Variants in ST6GALNAC3 observed in about 807,000 individuals in gnomAD.
ST6GALNAC3 encodes the protein alpha-N-acetylgalactosaminide alpha-2,6-sialyltransferase 3.
ST6GALNAC3 carries 25 observed loss-of-function variants against 32.7 expected under a neutral mutation model. That is an observed-to-expected ratio of 0.76 (90% CI 0.56 to 1.07). The LOEUF (loss-of-function observed/expected upper bound fraction) is 1.07, where lower values mean the gene tolerates loss of function less well. ST6GALNAC3 is among the 50% of genes least tolerant of loss of function. The probability of loss-of-function intolerance (pLI) is 0.00; values close to 1 mark genes in which losing one functional copy is unlikely to be tolerated. For synonymous variants in ST6GALNAC3, 129 were observed against 133.1 expected (o/e 0.97, Z 0.21); for missense variants, 355 against 382.4 (o/e 0.93, Z 0.60).
At chr1:76,441,851 T>C (rs567448405) in intron 3 of ST6GALNAC3, among the ~76,000 whole-genome samples, 1 of 152,300 alleles carries the variant, frequency 6.6e-6, no homozygotes, top group East Asian at 1.9e-4. Context: ...TCTGGTTCTT[T>C]CTCTGGCCCA....
At chr1:76,254,238 A>G (rs1657790931) in intron 1 of ST6GALNAC3, among the ~76,000 whole-genome samples, 1 of 152,132 alleles carries the variant, frequency 6.6e-6, no homozygotes, top group Non-Finnish European at 1.5e-5. Flanking sequence ...CAAGTGGATC[A>G]GGGAAGAATA....
chr1:76,304,630 G>A (rs554724289), intron 1 of ST6GALNAC3, among the ~76,000 whole-genome samples: 1 of 151,996 alleles, frequency 6.6e-6, no homozygotes, highest in Non-Finnish European at 1.5e-5. Flanking sequence ...TGGGAGAGGA[G>A]ACTTCCCTTC....
At chr1:76,409,277 G>A (rs1475028911) in intron 2 of ST6GALNAC3, among the ~76,000 whole-genome samples, 1 of 152,080 alleles carries the variant, frequency 6.6e-6, no homozygotes. Flanking sequence ...ACTGTGTTAG[G>A]GGTGATGAAC....
chr1:76,494,647 G>GCT (rs1491154885), intron 3 of ST6GALNAC3, among the ~76,000 whole-genome samples: 1 of 54,012 alleles, frequency 1.9e-5, no homozygotes, highest in African/African-American at 1.1e-4. Flanking sequence ...TCATGTGTAT[G>GCT]CGCACACACA....
intron 1 of ST6GALNAC3, among the ~76,000 whole-genome samples, chr1:76,171,803 T>A (rs1271866305): frequency 8.8e-6 from 1 of 113,078 alleles, no homozygotes; most frequent in Non-Finnish European, 1.8e-5. Context: ...ATTAATAGCC[T>A]ACCAAAACAA....
chr1:76,343,954 C>A (rs1432961405), intron 2 of ST6GALNAC3, among the ~76,000 whole-genome samples: 1 of 152,176 alleles, frequency 6.6e-6, no homozygotes, highest in African/African-American at 2.4e-5. Flanking sequence ...GTGGTATCCA[C>A]TAGATGTCAG....
chr1:76,445,047 T>A (rs977088202), intron 3 of ST6GALNAC3, among the ~76,000 whole-genome samples: 4 of 152,204 alleles, frequency 2.6e-5, no homozygotes, highest in African/African-American at 9.6e-5. Context: ...ATGTTTGTGG[T>A]TAGTATGTGC....
chr1:76,555,788 G>T (rs1330856308), intron 3 of ST6GALNAC3, among the ~76,000 whole-genome samples: 1 of 151,970 alleles, frequency 6.6e-6, no homozygotes, highest in Non-Finnish European at 1.5e-5. Flanking sequence ...AATTCCCAGG[G>T]TTCTATATTT....
At chr1:76,397,654 G>A (rs976663510) in intron 2 of ST6GALNAC3, among the ~76,000 whole-genome samples, 66 of 152,016 alleles carry the variant, frequency 4.3e-4, no homozygotes, top group African/African-American at 1.4e-3. Flanking sequence ...GATTACAGGC[G>A]TGAGCCACCA....
chr1:76,511,832 A>G (rs962801888), intron 3 of ST6GALNAC3, among the ~76,000 whole-genome samples: 1 of 152,226 alleles, frequency 6.6e-6, no homozygotes, highest in African/African-American at 2.4e-5. Context: ...CAGTTTAGGG[A>G]TATGAATAAA....
At chr1:76,372,095 G>T (rs1237240594) in intron 2 of ST6GALNAC3, among the ~76,000 whole-genome samples, 1 of 152,082 alleles carries the variant, frequency 6.6e-6, no homozygotes, top group Admixed American at 6.6e-5. Context: ...ACACAAAAAA[G>T]TGTTTTTTAT....
rs533182209 is a variant in ST6GALNAC3, at chr1:76,394,466, T to C, written c.214-17542T>C. Reference sequence around the variant, plus strand: ...TTCATTGTTTAATCCATATTGAAAATTTGGCTTATGCAAAATTATATGCCT... The same window carrying C: ...TTCATTGTTTAATCCATATTGAAAACTTGGCTTATGCAAAATTATATGCCT... On this transcript the variant is annotated intron_variant, in intron 2 of 4. Coordinates refer to ENST00000328299, the MANE Select transcript of ST6GALNAC3 (RefSeq NM_152996.4). 1.5e-3 allele frequency among the ~76,000 whole-genome samples: 235 copies of C among 152,276 alleles called. 1 individual carries two copies. In the Middle Eastern group the frequency reaches 0.027, roughly 18 times the overall value.
At chr1:76,575,467 C>A (rs1481597510) in intron 3 of ST6GALNAC3, among the ~76,000 whole-genome samples, 1 of 152,046 alleles carries the variant, frequency 6.6e-6, no homozygotes, top group Admixed American at 6.6e-5. Context: ...ATCCTGAGAT[C>A]CTCAAATAAA....
chr1:76,393,972 G>A (rs1174009962), intron 2 of ST6GALNAC3, among the ~76,000 whole-genome samples: 1 of 152,094 alleles, frequency 6.6e-6, no homozygotes, highest in African/African-American at 2.4e-5. Flanking sequence ...AGAGGGGAGG[G>A]TCTTCTTCCA....
At position 76,546,714 on chromosome 1, in the gene ST6GALNAC3, G is replaced by C. The variant is rs74524291; in HGVS notation, c.624-80738G>C. ...GTAGGCCCAGGAGGCACAGTGGTTGGCAAATTAAATTCAGGCCAGCCATGC... is the reference window on the plus strand; with the variant it reads ...GTAGGCCCAGGAGGCACAGTGGTTGCCAAATTAAATTCAGGCCAGCCATGC... On this transcript the variant is annotated intron_variant, in intron 3 of 4. Transcript: ENST00000328299. 2.0e-3 allele frequency among the ~76,000 whole-genome samples: 306 copies of C among 152,314 alleles called. 2 individuals carry two copies. Among genetic ancestry groups the C allele is most frequent in the East Asian group, 0.011 (58 of 5,172 alleles).
intron 1 of ST6GALNAC3, among the ~76,000 whole-genome samples, chr1:76,099,148 C>G (rs1461552357): frequency 1.3e-5 from 2 of 152,104 alleles, no homozygotes; most frequent in African/African-American, 2.4e-5. Context: ...CAATGTCACA[C>G]TGTAGTTTTT....
chr1:76,378,957 C>T lies in ST6GALNAC3; in HGVS notation c.214-33051C>T, dbSNP rs1039141345. ...TGTCGCCCAGGCTGGAGTGCAGTGG[C>T]GCGATCTTGGCTCACTGCAACCTCT... On this transcript the variant is annotated intron_variant, in intron 2 of 4. Transcript: ENST00000328299. Among the ~76,000 whole-genome samples the T allele has an allele frequency of 4.6e-5, 7 of 152,116 alleles. No homozygotes were observed. In the South Asian group the frequency reaches 8.3e-4, roughly 18 times the overall value.
At chr1:76,394,833 G>C (rs1391230832) in intron 2 of ST6GALNAC3, among the ~76,000 whole-genome samples, 2 of 152,090 alleles carry the variant, frequency 1.3e-5, no homozygotes, top group Admixed American at 6.5e-5. Context: ...AGGCAGAGGG[G>C]GGCTGTGATA....
At chr1:76,090,798 A>G (rs1308285228) in intron 1 of ST6GALNAC3, among the ~76,000 whole-genome samples, 1 of 152,206 alleles carries the variant, frequency 6.6e-6, no homozygotes, top group Non-Finnish European at 1.5e-5. Context: ...CTGGTGGGAC[A>G]TTAGGTAGAC....
Sources: allele counts gnomAD v4.1 joint callset (sites outside exome capture counted in the v4.1 genomes callset), GRCh38; gene constraint gnomAD v4.1.1; transcripts MANE v1.5; gene names NCBI Gene and HGNC (gene_info 2026-07-23, HGNC 2026-07-21).